CPNE4: variants seen among roughly 807,000 people sequenced by gnomAD.
CPNE4 encodes the protein copine-4.
Under a neutral mutation model 67.9 loss-of-function variants are expected in CPNE4, and 25 were observed. That is an observed-to-expected ratio of 0.37 (90% CI 0.27 to 0.51). The LOEUF (loss-of-function observed/expected upper bound fraction) is 0.51. CPNE4 is among the 20% of genes least tolerant of loss of function. The probability of loss-of-function intolerance (pLI) is 0.93; values close to 1 mark genes in which losing one functional copy is unlikely to be tolerated. For missense variants in CPNE4, 464 were observed against 690.8 expected (o/e 0.67, Z 3.68); for synonymous variants, 242 against 244.9 (o/e 0.99, Z 0.11).
chr3:131,828,371 G>A (rs2085245472), intron 2 of CPNE4, among the ~76,000 whole-genome samples: 1 of 152,134 alleles, frequency 6.6e-6, no homozygotes, highest in South Asian at 2.1e-4. Context: ...TTTGGTTCAT[G>A]TAAATAGAAT....
At chr3:131,772,142 T>C (rs2083183224) in intron 2 of CPNE4, among the ~76,000 whole-genome samples, 1 of 152,054 alleles carries the variant, frequency 6.6e-6, no homozygotes, top group Non-Finnish European at 1.5e-5. Flanking sequence ...TGGGCTGTTA[T>C]AGGTGGCAGC....
At chr3:131,680,922 G>A (rs2080735427) in intron 6 of CPNE4, among the ~76,000 whole-genome samples, 1 of 152,072 alleles carries the variant, frequency 6.6e-6, no homozygotes, top group Non-Finnish European at 1.5e-5. Flanking sequence ...ATAATATTTG[G>A]TTTTCCATTC....
chr3:131,694,850 GA>G (rs2081113843), intron 5 of CPNE4, among the ~76,000 whole-genome samples: 1 of 152,164 alleles, frequency 6.6e-6, no homozygotes, highest in African/African-American at 2.4e-5. Flanking sequence ...ATAGACAGCA[GA>G]ACTGCCCAAC....
chr3:131,555,210 C>G (rs2107650620), intron 12 of CPNE4, among the ~76,000 whole-genome samples: 1 of 152,112 alleles, frequency 6.6e-6, no homozygotes, highest in Admixed American at 6.6e-5. Context: ...TGGAGATCAA[C>G]TTCTTGAGTG....
chr3:131,696,659 C>T (rs2081165680), intron 4 of CPNE4, 43 bp from the exon 5 acceptor site: 1 of 1,566,116 alleles, frequency 6.4e-7, no homozygotes, highest in Admixed American at 1.7e-5. Context: ...AGGGTGAACT[C>T]CTTAGCTCCA....
At chr3:131,565,213 C>G (rs1312097424) in intron 10 of CPNE4, among the ~76,000 whole-genome samples, 2 of 151,948 alleles carry the variant, frequency 1.3e-5, no homozygotes, top group African/African-American at 4.8e-5. Context: ...CAGCAAAAAT[C>G]TCTTTAAAAA....
intron 1 of CPNE4, among the ~76,000 whole-genome samples, chr3:132,008,979 G>A (rs1407287831): frequency 1.3e-5 from 2 of 152,162 alleles, no homozygotes; most frequent in Non-Finnish European, 1.5e-5. Flanking sequence ...CAATGCTCCG[G>A]GCTGTTTATT....
chr3:131,659,864 C>A (rs1425237113), intron 7 of CPNE4, among the ~76,000 whole-genome samples: 1 of 152,136 alleles, frequency 6.6e-6, no homozygotes, highest in Non-Finnish European at 1.5e-5. Flanking sequence ...CAGCTTTAGG[C>A]AGGCATTAAA....
chr3:131,869,095 G>T (rs943237531), intron 2 of CPNE4, among the ~76,000 whole-genome samples: 1 of 152,130 alleles, frequency 6.6e-6, no homozygotes, highest in Non-Finnish European at 1.5e-5. Context: ...AATAGAAAAA[G>T]AAGTCCTTAT....
chr3:131,875,265 T>C (rs186256980), intron 2 of CPNE4, among the ~76,000 whole-genome samples: 74 of 152,256 alleles, frequency 4.9e-4, no homozygotes, highest in African/African-American at 1.7e-3. Context: ...GAAGTCAGTG[T>C]GGCGATTCCT....
chr3:131,951,479 AG>A (rs2071718023), intron 1 of CPNE4, among the ~76,000 whole-genome samples: 1 of 152,044 alleles, frequency 6.6e-6, no homozygotes, highest in African/African-American at 2.4e-5. Flanking sequence ...TTTTGCCTAG[AG>A]ATACTCCCCC....
intron 1 of CPNE4, among the ~76,000 whole-genome samples, chr3:132,005,391 A>G (rs1393032039): frequency 3.2e-5 from 4 of 123,182 alleles, no homozygotes; most frequent in African/African-American, 1.2e-4. Flanking sequence ...TTATATTTCT[A>G]TCATATATAT....
chr3:132,033,148 C>G (rs2074272329), intron 1 of CPNE4, among the ~76,000 whole-genome samples: 2 of 152,298 alleles, frequency 1.3e-5, no homozygotes, highest in South Asian at 2.1e-4. Flanking sequence ...CGCGCGGGGG[C>G]GCGCGAATGA....
At chr3:131,901,737 G>A (rs528778471) in intron 2 of CPNE4, among the ~76,000 whole-genome samples, 1 of 152,052 alleles carries the variant, frequency 6.6e-6, no homozygotes, top group Admixed American at 6.6e-5. Flanking sequence ...CAGCTGTTTG[G>A]TTCTGGGACT....
intron 2 of CPNE4, among the ~76,000 whole-genome samples, chr3:131,758,640 TGAGATTTGGAGGG>T (rs1048301205): frequency 1.3e-5 from 2 of 151,964 alleles, no homozygotes; most frequent in African/African-American, 2.4e-5. Flanking sequence ...AGTGAGGACA[TGAGATTTGGAGGG>T]GCTGGGGCAG....
At chr3:132,007,553 C>G (rs1368209641) in intron 1 of CPNE4, among the ~76,000 whole-genome samples, 1 of 151,938 alleles carries the variant, frequency 6.6e-6, no homozygotes, top group South Asian at 2.1e-4. Context: ...TGCACGTTGA[C>G]TATCTCCACA....
intron 1 of CPNE4, among the ~76,000 whole-genome samples, chr3:131,928,587 T>G (rs1249129735): frequency 1.3e-5 from 2 of 152,140 alleles, no homozygotes; most frequent in Admixed American, 6.5e-5. Flanking sequence ...CATTCCCAAC[T>G]CTACCTCCAG....
intron 2 of CPNE4, among the ~76,000 whole-genome samples, chr3:131,831,577 C>T (rs2085369987): frequency 6.6e-6 from 1 of 152,076 alleles, no homozygotes; most frequent in Non-Finnish European, 1.5e-5. Context: ...AAGTCTTTCT[C>T]TTCTATGTTG....
intron 9 of CPNE4, among the ~76,000 whole-genome samples, chr3:131,577,754 A>G (rs1375168082): frequency 3.3e-5 from 5 of 152,126 alleles, no homozygotes. Flanking sequence ...CTTAAGCTAC[A>G]CTGAATTTGT....
Sources: allele counts gnomAD v4.1 joint callset (sites outside exome capture counted in the v4.1 genomes callset), GRCh38; gene constraint gnomAD v4.1.1; transcripts MANE v1.5; gene names NCBI Gene and HGNC (gene_info 2026-07-23, HGNC 2026-07-21).